Variants in DCDC2 observed in about 807,000 individuals in gnomAD.
The protein encoded by DCDC2 is doublecortin domain containing 2, also known as doublecortin domain-containing protein 2.
Under a neutral mutation model 50.2 loss-of-function variants are expected in DCDC2, and 40 were observed. The observed-to-expected ratio is 0.80, with a 90% CI of 0.62 to 1.04. The LOEUF (loss-of-function observed/expected upper bound fraction) is 1.04. DCDC2 is among the 50% of genes least tolerant of loss of function. The probability of loss-of-function intolerance (pLI) is 0.00; values close to 1 mark genes in which losing one functional copy is unlikely to be tolerated. For synonymous variants in DCDC2, 234 were observed against 210.6 expected (o/e 1.11, Z -0.96); for missense variants, 570 against 581.9 (o/e 0.98, Z 0.21).
chr6:24,262,415 T>C (rs1763031612), intron 7 of DCDC2, among the ~76,000 whole-genome samples: 1 of 152,168 alleles, frequency 6.6e-6, no homozygotes, highest in Non-Finnish European at 1.5e-5. Context: ...TAAATAAACT[T>C]GAAAGACAGT....
intron 2 of DCDC2, among the ~76,000 whole-genome samples, chr6:24,332,984 G>C (rs1759992622): frequency 6.6e-6 from 1 of 152,130 alleles, no homozygotes; most frequent in South Asian, 2.1e-4. Context: ...AAAGGAGAAA[G>C]GCCTGATGTA....
chr6:24,366,444 C>T, the DCDC2 span, among the ~76,000 whole-genome samples: 2 of 152,058 alleles, frequency 1.3e-5, no homozygotes, highest in Admixed American at 1.3e-4. Flanking sequence ...GTTTAGAGGC[C>T]GAGATGAAGG....
chr6:24,311,443 A>G (rs1338416358), intron 2 of DCDC2, among the ~76,000 whole-genome samples: 1 of 152,192 alleles, frequency 6.6e-6, no homozygotes, highest in Non-Finnish European at 1.5e-5. Flanking sequence ...CTCAGTACAT[A>G]CTTTAATTAA....
intron 9 of DCDC2, among the ~76,000 whole-genome samples, chr6:24,176,843 A>G (rs551354710): frequency 2.0e-5 from 3 of 152,340 alleles, no homozygotes; most frequent in East Asian, 1.9e-4. Flanking sequence ...GATTACACAT[A>G]TAAGTGAGAT....
intron 7 of DCDC2, among the ~76,000 whole-genome samples, chr6:24,260,167 G>C (rs1762979445): frequency 6.6e-6 from 1 of 152,020 alleles, no homozygotes; most frequent in South Asian, 2.1e-4. Context: ...AGAAACTTCA[G>C]CTTTTGGCTT....
At chr6:24,193,322 A>G (rs1761351470) in intron 8 of DCDC2, among the ~76,000 whole-genome samples, 1 of 152,182 alleles carries the variant, frequency 6.6e-6, no homozygotes, top group African/African-American at 2.4e-5. Flanking sequence ...AGAACCATCC[A>G]CCAAGGAAGC....
intron 2 of DCDC2, among the ~76,000 whole-genome samples, chr6:24,339,732 A>G (rs143759569): frequency 2.0e-5 from 3 of 152,210 alleles, no homozygotes; most frequent in Non-Finnish European, 2.9e-5. Flanking sequence ...GAGTAATTAC[A>G]TGGTGCCTGG....
At chr6:24,197,733 A>G (rs1201618290) in intron 8 of DCDC2, among the ~76,000 whole-genome samples, 2 of 152,208 alleles carry the variant, frequency 1.3e-5, no homozygotes, top group East Asian at 1.9e-4. Flanking sequence ...GACAAATACA[A>G]TTGAGAAGAT....
At position 24,216,340 on chromosome 6, in the gene DCDC2, A is replaced by G. The variant is rs77613280; in HGVS notation, c.923-11238T>C. Among the ~76,000 whole-genome samples, 17 of 152,182 alleles carry G rather than the reference A, an allele frequency of 1.1e-4. No individual in the cohort carries two copies. In the East Asian group the frequency reaches 3.3e-3, roughly 29 times the overall value. ...TAAAAGGTAACAGGAAAAAAAAAAG[A>G]GTAGGCTGTCAAGGAAGATGCGGGA... is the stretch of plus-strand genomic sequence containing the variant. On this transcript the variant is annotated intron_variant, in intron 7 of 9. Coordinates refer to ENST00000378454, the MANE Select transcript of DCDC2 (RefSeq NM_016356.5).
chr6:24,294,972 C>T (rs1763830928), intron 4 of DCDC2, among the ~76,000 whole-genome samples: 1 of 151,994 alleles, frequency 6.6e-6, no homozygotes, highest in Non-Finnish European at 1.5e-5. Flanking sequence ...TTCTATGAGG[C>T]CAGCATCATC....
chr6:24,351,211 G>T (rs1457222640), intron 2 of DCDC2, among the ~76,000 whole-genome samples: 2 of 152,202 alleles, frequency 1.3e-5, no homozygotes, highest in Non-Finnish European at 2.9e-5. Flanking sequence ...GAAAGTAGGG[G>T]CTGCCTTTGC....
chr6:24,287,181 G>A (rs1479273878), intron 6 of DCDC2, among the ~76,000 whole-genome samples: 1 of 152,108 alleles, frequency 6.6e-6, no homozygotes, highest in African/African-American at 2.4e-5. Flanking sequence ...ACCATGTCAG[G>A]CACATCAGCC....
chr6:24,337,822 G>A (rs1418406834), intron 2 of DCDC2, among the ~76,000 whole-genome samples: 3 of 148,362 alleles, frequency 2.0e-5, no homozygotes, highest in Admixed American at 6.7e-5. Flanking sequence ...AGACTATTAA[G>A]GAAATTGAAA....
intron 4 of DCDC2, among the ~76,000 whole-genome samples, chr6:24,296,156 C>T (rs866910848): frequency 7.2e-5 from 11 of 152,174 alleles, no homozygotes; most frequent in Non-Finnish European, 1.6e-4. Flanking sequence ...CAAATAGAGA[C>T]CCCAGAAATA....
At chr6:24,208,929 A>T (rs1761789765) in intron 7 of DCDC2, among the ~76,000 whole-genome samples, 1 of 152,246 alleles carries the variant, frequency 6.6e-6, no homozygotes, top group Non-Finnish European at 1.5e-5. Flanking sequence ...TTTGTAATAC[A>T]ATCTGTATTC....
At chr6:24,354,859 T>C (rs1760436884) in intron 1 of DCDC2, among the ~76,000 whole-genome samples, 1 of 152,168 alleles carries the variant, frequency 6.6e-6, no homozygotes, top group African/African-American at 2.4e-5. Flanking sequence ...AGTTATCGTT[T>C]CAAAAATATT....
At chr6:24,253,763 GA>G (rs1174451858) in intron 7 of DCDC2, among the ~76,000 whole-genome samples, 1 of 152,192 alleles carries the variant, frequency 6.6e-6, no homozygotes, top group Non-Finnish European at 1.5e-5. Flanking sequence ...TGCAGGACTA[GA>G]AGTTGCTCTG....
At chr6:24,219,241 C>G (rs1367917632) in intron 7 of DCDC2, among the ~76,000 whole-genome samples, 2 of 152,004 alleles carry the variant, frequency 1.3e-5, no homozygotes, top group Non-Finnish European at 2.9e-5. Context: ...TCAACATTTA[C>G]CTACAGCAAG....
rs1763397177 is a variant in DCDC2 at position 24,278,065 on chromosome 6, T to G, written c.906A>C (p.Glu302Asp). The G allele has an allele frequency of 6.2e-7, 1 of 1,611,164 alleles. No individual in the cohort carries two copies. Among genetic ancestry groups the G allele is most frequent in the Non-Finnish European group, 8.5e-7 (1 of 1,178,220 alleles). Residue 302 changes from glutamate (E) to aspartate (D), a missense_variant, in exon 7 of 10, where the codon GAA becomes GAC. Coordinates refer to ENST00000378454, the MANE Select transcript of DCDC2 (RefSeq NM_016356.5). The stretch of plus-strand genomic sequence containing the variant: ...CACACTTACCACTATTTGGAATGGT[T>G]TCTTGTGAATTCTTTAATTTTACAT... ...KQNVKLKNSQ[E>D]TIPNSDEGIF...
Sources: gnomAD v4.1 joint callset for allele counts (sites outside exome capture counted in the v4.1 genomes callset) on GRCh38, gnomAD v4.1.1 for gene constraint, MANE v1.5 for transcripts, NCBI Gene and HGNC (gene_info 2026-07-23, HGNC 2026-07-21) for gene names.